The following CCDC88C variants were observed in gnomAD, a reference collection of about 807,000 sequenced individuals.
CCDC88C encodes the protein coiled-coil and HOOK domain protein 88C.
Under a neutral mutation model 198.8 loss-of-function variants are expected in CCDC88C, and 131 were observed. The ratio of observed to expected loss-of-function variants is 0.66; its 90% CI spans 0.57 to 0.76. The LOEUF is 0.76. Among genes scored for constraint, CCDC88C ranks in the 30% least tolerant of loss-of-function variants. CCDC88C has a pLI of 0.00. For synonymous variants in CCDC88C, 1,166 were observed against 1,114.7 expected, an observed-to-expected ratio of 1.05 and a Z score of -0.92; for missense variants, 2,553 against 2,631.6, an observed-to-expected ratio of 0.97 and a Z score of 0.65.
intron 19 of CCDC88C, among the ~76,000 whole-genome samples, chr14:91,304,591 A>C (rs1567063193): frequency 6.6e-6 from 1 of 152,172 alleles, no homozygotes; most frequent in Admixed American, 6.5e-5. Context: ...CCTGTCTCTT[A>C]CAATGAAAAC....
rs1567055223 is a variant in CCDC88C at position 91,293,413 on chromosome 14, CACCT to C, written c.4112+756_4112+759del. Among the ~76,000 whole-genome samples the C allele has an allele frequency of 1.1e-3, 159 of 146,460 alleles. 12 individuals carry two copies. Among genetic ancestry groups the C allele is most frequent in the African/African-American group, 1.7e-3 (66 of 39,324 alleles). Reference sequence around the variant, plus strand: ...GCCACAGCCCACCTTCCTGCCCCCTCACCTGCCACGGCCCACCTTCCCGTCCTCA... The same window carrying C: ...GCCACAGCCCACCTTCCTGCCCCCTCGCCACGGCCCACCTTCCCGTCCTCA... On this transcript the variant is annotated intron_variant, in intron 23 of 29. Transcript: ENST00000389857.
chr14:91,344,075 C>A (rs563300494), intron 4 of CCDC88C, among the ~76,000 whole-genome samples: 4 of 152,230 alleles, frequency 2.6e-5, no homozygotes, highest in Non-Finnish European at 5.9e-5. Flanking sequence ...CCCACCTCAG[C>A]CTCCCAGGTT....
At chr14:91,354,589 C>G (rs760028472) in intron 4 of CCDC88C, among the ~76,000 whole-genome samples, 1 of 152,206 alleles carries the variant, frequency 6.6e-6, no homozygotes, top group South Asian at 2.1e-4. Context: ...TCACTTGACC[C>G]TGACCACTGA....
At chr14:91,392,580 G>A (rs566906212) in intron 3 of CCDC88C, among the ~76,000 whole-genome samples, 2 of 152,262 alleles carry the variant, frequency 1.3e-5, no homozygotes, top group South Asian at 2.1e-4. Flanking sequence ...ACCCAGAGCC[G>A]ATAATAACCC....
intron 3 of CCDC88C, among the ~76,000 whole-genome samples, chr14:91,395,154 C>T (rs1388989836): frequency 3.9e-5 from 6 of 152,196 alleles, no homozygotes; most frequent in Non-Finnish European, 8.8e-5. Flanking sequence ...CGACCTTGTG[C>T]CTCTGCAGAT....
intron 17 of CCDC88C, 122 bp from the exon 18 acceptor site, chr14:91,307,348 G>C (rs1248669306): frequency 1.5e-5 from 12 of 814,320 alleles, no homozygotes; most frequent in Non-Finnish European, 2.2e-5. Flanking sequence ...GCCCGCCCTG[G>C]TCTGTGTAAG....
chr14:91,311,352 G>A (rs1891815013), intron 15 of CCDC88C, among the ~76,000 whole-genome samples: 1 of 152,240 alleles, frequency 6.6e-6, no homozygotes, highest in Non-Finnish European at 1.5e-5. Flanking sequence ...TCTTTCCAGT[G>A]TGGAGACTGC....
chr14:91,406,847 T>C (rs1051373813), intron 3 of CCDC88C, among the ~76,000 whole-genome samples: 6 of 152,364 alleles, frequency 3.9e-5, no homozygotes, highest in Middle Eastern at 6.8e-3. Context: ...TACACCATGC[T>C]GAGTGTGGCT....
At position 91,402,002 on chromosome 14, in the gene CCDC88C, T is replaced by C. The variant is rs142765976; in HGVS notation, c.270+6657A>G. Among the ~76,000 whole-genome samples, 739 of 152,254 alleles carry C rather than the reference T, an allele frequency of 4.9e-3. 7 individuals are homozygous for C. Among genetic ancestry groups the C allele is most frequent in the African/African-American group, 0.017 (688 of 41,530 alleles). On this transcript the variant is annotated intron_variant, in intron 3 of 29. Coordinates refer to ENST00000389857, the MANE Select transcript of CCDC88C (RefSeq NM_001080414.4). ...CTCGCTTTTGACAAAAGATTTTCCATGGTGGATCATGCCTGTAATCCCAGC... is the reference window on the plus strand; with the variant it reads ...CTCGCTTTTGACAAAAGATTTTCCACGGTGGATCATGCCTGTAATCCCAGC...
intron 29 of CCDC88C, among the ~76,000 whole-genome samples, chr14:91,277,394 A>AAT (rs1292418738): frequency 6.6e-6 from 1 of 152,230 alleles, no homozygotes. Flanking sequence ...TGAAATTCAA[A>AAT]TGTCAGTGTC....
chr14:91,404,578 G>A (rs1056298648), intron 3 of CCDC88C, among the ~76,000 whole-genome samples: 2 of 152,260 alleles, frequency 1.3e-5, no homozygotes, highest in Admixed American at 1.3e-4. Context: ...TGCAGATCTG[G>A]GGACCATCCT....
chr14:91,414,663 T>G (rs1338045131), intron 2 of CCDC88C, among the ~76,000 whole-genome samples: 1 of 152,128 alleles, frequency 6.6e-6, no homozygotes, highest in East Asian at 1.9e-4. Context: ...ACCCGCTCTC[T>G]CTTCTCTTTC....
At chr14:91,297,241 C>T (rs1261511835) in intron 22 of CCDC88C, 64 bp downstream of exon 22, 9 of 1,530,786 alleles carry the variant, frequency 5.9e-6, no homozygotes, top group Non-Finnish European at 7.1e-6. Context: ...CTTGGCTGAG[C>T]CCTGGGCTGT....
chr14:91,287,636 C>CTTTTTTTT (rs71120129), intron 25 of CCDC88C, among the ~76,000 whole-genome samples: 22 of 75,654 alleles, frequency 2.9e-4, no homozygotes, highest in Admixed American at 4.6e-4. Context: ...TGCACCAGGT[C>CTTTTTTTT]TTTTTTTTTT....
chr14:91,379,951 A>G, intron 3 of CCDC88C: 1 of 701,932 alleles, frequency 1.4e-6, no homozygotes, highest in South Asian at 1.5e-5. Context: ...CAGGCTCACT[A>G]CGGGGATATC....
chr14:91,368,898 T>C (rs2139922872), intron 3 of CCDC88C, among the ~76,000 whole-genome samples: 1 of 152,322 alleles, frequency 6.6e-6, no homozygotes, highest in East Asian at 1.9e-4. Flanking sequence ...GACCTGGCAC[T>C]GGCAACCAGC....
intron 25 of CCDC88C, among the ~76,000 whole-genome samples, chr14:91,287,100 C>G (rs1315126419): frequency 1.3e-5 from 2 of 152,176 alleles, no homozygotes; most frequent in Admixed American, 1.3e-4. Flanking sequence ...CTAACTCAGA[C>G]TGATTATAGT....
At chr14:91,292,080 G>T (rs545682964) in intron 23 of CCDC88C, among the ~76,000 whole-genome samples, 1 of 152,094 alleles carries the variant, frequency 6.6e-6, no homozygotes, top group Non-Finnish European at 1.5e-5. Context: ...GCTCATTCTC[G>T]AAGCTGCCAA....
intron 3 of CCDC88C, among the ~76,000 whole-genome samples, chr14:91,393,011 C>T (rs1049642820): frequency 6.6e-6 from 1 of 152,152 alleles, no homozygotes. Flanking sequence ...AAGGACAGGA[C>T]GTGTGAGGCA....
Sources: gnomAD v4.1 joint callset for allele counts (sites outside exome capture counted in the v4.1 genomes callset) on GRCh38, gnomAD v4.1.1 for gene constraint, MANE v1.5 for transcripts, NCBI Gene and HGNC (gene_info 2026-07-23, HGNC 2026-07-21) for gene names.